PRR16: variants seen among roughly 807,000 people sequenced by gnomAD.
The protein encoded by PRR16 is protein Largen.
In PRR16, 6 loss-of-function variants were observed where a neutral mutation model predicts 18.2. That is an observed-to-expected ratio of 0.33 (90% CI 0.18 to 0.65). PRR16 has a LOEUF of 0.65. PRR16 is among the 30% of genes least tolerant of loss of function. The pLI, the probability that PRR16 is intolerant of heterozygous loss-of-function variation, is 0.74. For synonymous variants in PRR16, 151 were observed against 147.8 expected, an observed-to-expected ratio of 1.02 and a Z score of -0.16; for missense variants, 412 against 376.6, an observed-to-expected ratio of 1.09 and a Z score of -0.78.
chr5:120,494,165 A>G (rs140814533), intron 1 of PRR16, among the ~76,000 whole-genome samples: 1 of 152,118 alleles, frequency 6.6e-6, no homozygotes, highest in African/African-American at 2.4e-5. Context: ...TGTATAAGTT[A>G]TCTGGTTTCA....
rs568323131 is a variant in PRR16, at chr5:120,659,311, T to C, written c.160-26643T>C. Among the ~76,000 whole-genome samples, 215 of 152,140 alleles carry C rather than the reference T, an allele frequency of 1.4e-3. 1 individual carries two copies. Among genetic ancestry groups the C allele is most frequent in the African/African-American group, 4.9e-3 (202 of 41,552 alleles). ...GCATTCAAGATATCTGTAGTCTGTG[T>C]TTTCTTGGTTCCTTGAGAGTTTCTG... On this transcript the variant is annotated intron_variant, in intron 1 of 1. Coordinates refer to ENST00000407149, the MANE Select transcript of PRR16 (RefSeq NM_001300783.2).
At chr5:120,700,372 A>G in the PRR16 span, among the ~76,000 whole-genome samples, 1 of 151,936 alleles carries the variant, frequency 6.6e-6, no homozygotes, top group Admixed American at 6.6e-5. Flanking sequence ...GGTTTTAATG[A>G]GATGGTGAGG....
At chr5:120,610,945 T>C (rs1222831674) in intron 1 of PRR16, among the ~76,000 whole-genome samples, 1 of 152,302 alleles carries the variant, frequency 6.6e-6, no homozygotes, top group East Asian at 1.9e-4. Context: ...TCCTAGAGAC[T>C]TGTTGAATGA....
the PRR16 span, among the ~76,000 whole-genome samples, chr5:120,716,674 A>G: frequency 2.6e-5 from 4 of 152,136 alleles, no homozygotes; most frequent in Non-Finnish European, 5.9e-5. Context: ...CAGGAGTTCG[A>G]GACCAGCCTG....
At position 120,487,498 on chromosome 5, in the gene PRR16, C is replaced by G. The variant is rs374861613; in HGVS notation, c.159+22853C>G. On this transcript the variant is annotated intron_variant, in intron 1 of 1. Coordinates refer to ENST00000407149, the MANE Select transcript of PRR16 (RefSeq NM_001300783.2). ...CTTGTGATTTTTGCACATTGATTTTCTATCCTGAGACTTTGCTGAAGTTGC... is the reference window on the plus strand; with the variant it reads ...CTTGTGATTTTTGCACATTGATTTTGTATCCTGAGACTTTGCTGAAGTTGC... Among the ~76,000 whole-genome samples, 666 of 152,140 alleles carry G rather than the reference C, an allele frequency of 4.4e-3. 4 individuals are homozygous for G. The highest frequency in any genetic ancestry group is 0.014 in the African/African-American group (599 of 41,524).
intron 1 of PRR16, among the ~76,000 whole-genome samples, chr5:120,683,443 G>T (rs756189030): frequency 6.6e-6 from 1 of 150,674 alleles, no homozygotes; most frequent in Non-Finnish European, 1.5e-5. Flanking sequence ...TGGAGGTTGC[G>T]GTGAGCTGAG....
chr5:120,768,934 ATTACTCT>A, the PRR16 span, among the ~76,000 whole-genome samples: 1 of 151,768 alleles, frequency 6.6e-6, no homozygotes. Flanking sequence ...TCTCCTGATC[ATTACTCT>A]AAGAGTACAA....
intron 1 of PRR16, among the ~76,000 whole-genome samples, chr5:120,648,720 G>A (rs778479345): frequency 2.6e-4 from 40 of 152,130 alleles, no homozygotes; most frequent in Middle Eastern, 3.2e-3. Context: ...TACGGGGTTA[G>A]TCAGTGATGT....
the PRR16 span, among the ~76,000 whole-genome samples, chr5:120,772,032 T>G: frequency 0.27 from 41,046 of 151,848 alleles, 5,910 homozygotes; most frequent in Non-Finnish European, 0.32. Context: ...GTTCTTATTT[T>G]CCAAGGATTT....
chr5:120,498,693 A>G (rs2112839372), intron 1 of PRR16, among the ~76,000 whole-genome samples: 1 of 152,034 alleles, frequency 6.6e-6, no homozygotes, highest in East Asian at 1.9e-4. Context: ...TCTTTTAGGA[A>G]AGGTCGTCTA....
At chr5:120,482,106 G>C (rs1356353244) in intron 1 of PRR16, among the ~76,000 whole-genome samples, 1 of 152,028 alleles carries the variant, frequency 6.6e-6, no homozygotes, top group African/African-American at 2.4e-5. Context: ...TTGCCCACTG[G>C]ATATTTTGTT....
At chr5:120,515,212 A>G (rs1019511767) in intron 1 of PRR16, among the ~76,000 whole-genome samples, 1 of 152,138 alleles carries the variant, frequency 6.6e-6, no homozygotes, top group African/African-American at 2.4e-5. Flanking sequence ...ACTTGCATTT[A>G]TAAGGAACTC....
chr5:120,754,276 AT>A, the PRR16 span, among the ~76,000 whole-genome samples: 9 of 96,894 alleles, frequency 9.3e-5, no homozygotes, highest in African/African-American at 4.0e-4. Flanking sequence ...ATATAAAATA[AT>A]ATATAAATAT....
At chr5:120,491,221 C>G (rs976113895) in intron 1 of PRR16, among the ~76,000 whole-genome samples, 2 of 152,058 alleles carry the variant, frequency 1.3e-5, no homozygotes, top group Non-Finnish European at 1.5e-5. Flanking sequence ...TAATGTTTCC[C>G]TGGTGTTACA....
At chr5:120,593,571 G>T (rs1436323508) in intron 1 of PRR16, among the ~76,000 whole-genome samples, 1 of 151,692 alleles carries the variant, frequency 6.6e-6, no homozygotes, top group Non-Finnish European at 1.5e-5. Context: ...TCTATCAGAT[G>T]TACAAAAAAA....
the PRR16 span, among the ~76,000 whole-genome samples, chr5:120,760,289 A>G: frequency 6.6e-6 from 1 of 152,128 alleles, no homozygotes; most frequent in African/African-American, 2.4e-5. Context: ...AAATTAATTT[A>G]TATAAATATG....
the PRR16 span, among the ~76,000 whole-genome samples, chr5:120,766,412 TA>T: frequency 6.6e-6 from 1 of 152,018 alleles, no homozygotes; most frequent in African/African-American, 2.4e-5. Context: ...GTGAACCCTC[TA>T]TTCAACTATT....
chr5:120,471,365 T>A (rs1441700156), intron 1 of PRR16, among the ~76,000 whole-genome samples: 1 of 152,136 alleles, frequency 6.6e-6, no homozygotes, highest in East Asian at 1.9e-4. Flanking sequence ...TTTCAAAGAA[T>A]ACAAATAATT....
At chr5:120,584,635 G>T (rs896644546) in intron 1 of PRR16, among the ~76,000 whole-genome samples, 1 of 152,078 alleles carries the variant, frequency 6.6e-6, no homozygotes, top group Non-Finnish European at 1.5e-5. Flanking sequence ...TAGATTATCT[G>T]CATTTTATAA....
Sources: gnomAD v4.1 joint callset for allele counts (sites outside exome capture counted in the v4.1 genomes callset) on GRCh38, gnomAD v4.1.1 for gene constraint, MANE v1.5 for transcripts, NCBI Gene and HGNC (gene_info 2026-07-23, HGNC 2026-07-21) for gene names.